Variants in GGTA1 observed in about 807,000 individuals in gnomAD.
GGTA1 encodes the protein inactive N-acetyllactosaminide alpha-1,3-galactosyltransferase.
GGTA1 carries 5 observed loss-of-function variants against 2.6 expected under a neutral mutation model. The observed-to-expected ratio is 1.92, with a 90% confidence interval of 1.00 to 4.04. The LOEUF is 4.04. Among genes scored for constraint, GGTA1 ranks in the 30% most tolerant of loss-of-function variants. GGTA1 has a pLI of 0.00. For synonymous variants in GGTA1, 17 were observed against 5.0 expected, an observed-to-expected ratio of 3.38 and a Z score of -3.19; for missense variants, 50 against 16.7, an observed-to-expected ratio of 2.99 and a Z score of -3.47.
At chr9:121,460,315 A>AGATT (rs1216037991) in intron 4 of GGTA1, 96 bp from the exon 5 acceptor site, 1 of 438,120 alleles carries the variant, frequency 2.3e-6, no homozygotes, top group Admixed American at 2.5e-5. Context: ...GTTCCAAGGC[A>AGATT]GATTATGCAT....
At chr9:121,462,180 C>T (rs892964378) in intron 3 of GGTA1, among the ~76,000 whole-genome samples, 1 of 152,114 alleles carries the variant, frequency 6.6e-6, no homozygotes. Context: ...AAAAAATTAG[C>T]CGGGCGTGGT....
intron 1 of GGTA1, among the ~76,000 whole-genome samples, chr9:121,490,638 C>T (rs1317865949): frequency 6.6e-6 from 1 of 152,242 alleles, no homozygotes; most frequent in Non-Finnish European, 1.5e-5. Flanking sequence ...CCTAAGGAAG[C>T]CGCATGGAGG....
intron 1 of GGTA1, among the ~76,000 whole-genome samples, chr9:121,469,174 G>T (rs1338066686): frequency 6.6e-6 from 1 of 152,180 alleles, no homozygotes; most frequent in Non-Finnish European, 1.5e-5. Context: ...GTACTTTAAT[G>T]TGGGTGATCA....
At chr9:121,464,515 C>T (rs769195526) in intron 2 of GGTA1, among the ~76,000 whole-genome samples, 44 of 151,900 alleles carry the variant, frequency 2.9e-4, no homozygotes, top group Non-Finnish European at 5.3e-4. Context: ...TTAGTAGAGA[C>T]GGGGTTTCAC....
chr9:121,461,530 G>C lies in GGTA1; in HGVS notation c.117-213C>G, dbSNP rs563005193. On this transcript the variant is annotated intron_variant, in intron 3 of 5. Transcript: ENST00000481799. The stretch of plus-strand genomic sequence containing the variant: ...TCTCTCCTCCCTTGGGTAGCCCCCA[G>C]CCCTCAGCTCATCCTGGGGGCCCTA... Among the ~76,000 whole-genome samples, 14 of 152,264 alleles carry C rather than the reference G, an allele frequency of 9.2e-5. No homozygotes were observed. In the East Asian group the frequency reaches 2.7e-3, roughly 29 times the overall value.
intron 1 of GGTA1, among the ~76,000 whole-genome samples, chr9:121,492,475 T>A (rs1828890014): frequency 6.6e-6 from 1 of 152,094 alleles, no homozygotes; most frequent in Non-Finnish European, 1.5e-5. Context: ...TATTTTATTT[T>A]ATTTATTTTA....
At chr9:121,479,053 A>C in intron 1 of GGTA1, 1 of 456,234 alleles carries the variant, frequency 2.2e-6, no homozygotes, top group Non-Finnish European at 4.4e-6. Context: ...GAGCAAAATA[A>C]AGCTGAACTT....
chr9:121,491,855 G>A (rs980186469), intron 1 of GGTA1, among the ~76,000 whole-genome samples: 6 of 152,122 alleles, frequency 3.9e-5, no homozygotes, highest in East Asian at 3.9e-4. Flanking sequence ...AGTGATCTGC[G>A]TGCCTCTGCC....
chr9:121,475,156 G>A (rs566104651), intron 1 of GGTA1, among the ~76,000 whole-genome samples: 3 of 152,138 alleles, frequency 2.0e-5, no homozygotes, highest in Non-Finnish European at 4.4e-5. Context: ...AACAGTTTGC[G>A]GTAAAGAAGC....
At chr9:121,461,208 A>AC (rs1183649173) in intron 4 of GGTA1, 44 bp downstream of exon 4, 1 of 449,754 alleles carries the variant, frequency 2.2e-6, no homozygotes, top group East Asian at 7.0e-5. Context: ...CTCTGCAAGC[A>AC]CCAGGCGGGT....
chr9:121,473,357 G>A (rs56127597), intron 1 of GGTA1, among the ~76,000 whole-genome samples: 42,501 of 149,066 alleles, frequency 0.29, 6,447 homozygotes, highest in Middle Eastern at 0.39. Context: ...ATTGGAAGCC[G>A]TCCGAACGAG....
At chr9:121,445,927 G>A (rs921296706) in exon 8 of GGTA1, 4 of 152,182 alleles carry the variant, frequency 2.6e-5, no homozygotes, top group African/African-American at 9.7e-5. Flanking sequence ...AAACAGAACT[G>A]CTTGCAAGCC....
rs1189847639 is a variant in GGTA1, at chr9:121,496,332, C to T, written c.-10+3318G>A. On this transcript the variant is annotated intron_variant, in intron 1 of 5. Coordinates refer to ENST00000481799, the MANE Select transcript of GGTA1 (RefSeq NM_001382585.1). Reference sequence around the variant, plus strand: ...CCATTTGGTTCTTTCCTTCCCAAGCCCTGGCCCATAATGGTCTCCATATCA... The same window carrying T: ...CCATTTGGTTCTTTCCTTCCCAAGCTCTGGCCCATAATGGTCTCCATATCA... Among the ~76,000 whole-genome samples the T allele has an allele frequency of 3.3e-5, 5 of 152,242 alleles. No individual in the cohort carries two copies. The South Asian group carries it at 1.0e-3, about 32-fold the overall frequency.
chr9:121,463,864 A>G (rs927747053), intron 2 of GGTA1, among the ~76,000 whole-genome samples: 37 of 152,248 alleles, frequency 2.4e-4, no homozygotes, highest in African/African-American at 8.9e-4. Flanking sequence ...ATCTTCCTCC[A>G]GAAAAAAAAA....
At chr9:121,448,548 A>C (rs2064862972) in intron 7 of GGTA1, among the ~76,000 whole-genome samples, 1 of 152,258 alleles carries the variant, frequency 6.6e-6, no homozygotes. Context: ...TTTATCTTAA[A>C]AAAAGGACTA....
At chr9:121,472,325 T>C (rs1828408519) in intron 1 of GGTA1, among the ~76,000 whole-genome samples, 2 of 152,172 alleles carry the variant, frequency 1.3e-5, no homozygotes, top group Admixed American at 6.5e-5. Flanking sequence ...CTGGATCACA[T>C]TAAATTAATA....
Position 121,476,783 on chromosome 9 carries a change from T to G in GGTA1, c.-9-8852A>C, listed in dbSNP as rs1445506828. The stretch of plus-strand genomic sequence containing the variant: ...ATGTGCACAAGCCCCTTTGCAAGAC[T>G]GGGCCTGATTTCCCATTAGGGTGAG... On this transcript the variant is annotated intron_variant, in intron 1 of 5. Transcript: ENST00000481799. This position sits in a 1 kb window ranked among gnomAD's most constrained non-coding sequence, Gnocchi z 4.6. Among the ~76,000 whole-genome samples, 1 of 152,176 alleles carries G rather than the reference T, an allele frequency of 6.6e-6. No individual in the cohort carries two copies. The highest frequency in any genetic ancestry group is 1.9e-4 in the East Asian group (1 of 5,188).
intron 1 of GGTA1, among the ~76,000 whole-genome samples, chr9:121,489,812 GGGGGT>G (rs893723354): frequency 2.0e-5 from 3 of 152,186 alleles, no homozygotes; most frequent in South Asian, 2.1e-4. Flanking sequence ...TGTGTTTGTT[GGGGGT>G]GGGGTGGGGT....
chr9:121,449,888 TA>T (rs1466224003), intron 7 of GGTA1, among the ~76,000 whole-genome samples: 1 of 151,516 alleles, frequency 6.6e-6, no homozygotes, highest in Non-Finnish European at 1.5e-5. Flanking sequence ...AAAAACATTT[TA>T]TTGGTGTCTT....
Sources: gnomAD v4.1 joint callset for allele counts (sites outside exome capture counted in the v4.1 genomes callset) on GRCh38, gnomAD v4.1.1 for gene constraint, Gnocchi (gnomAD v3.1) non-coding constraint, MANE v1.5 for transcripts, NCBI Gene and HGNC (gene_info 2026-07-23, HGNC 2026-07-21) for gene names.